Variants in MBTPS1 observed in about 807,000 individuals in gnomAD.
The protein encoded by MBTPS1 is membrane bound transcription factor peptidase, site 1, also known as membrane-bound transcription factor site-1 protease.
Under a neutral mutation model 127.8 loss-of-function variants are expected in MBTPS1, and 94 were observed. The ratio of observed to expected loss-of-function variants is 0.74; its 90% CI spans 0.62 to 0.87. MBTPS1 has a LOEUF of 0.87. Ranked by LOEUF, MBTPS1 falls within the 40% of genes least tolerant of loss-of-function variation. The probability of loss-of-function intolerance (pLI) is 0.00; values close to 1 mark genes in which losing one functional copy is unlikely to be tolerated. For synonymous variants in MBTPS1, 632 were observed against 509.4 expected (o/e 1.24, Z -3.24); for missense variants, 1,636 against 1,353.2 (o/e 1.21, Z -3.28).
chr16:84,062,694 G>C (rs1186970586), intron 19 of MBTPS1, among the ~76,000 whole-genome samples: 1 of 152,136 alleles, frequency 6.6e-6, no homozygotes, highest in African/African-American at 2.4e-5. Flanking sequence ...TACAAAATGA[G>C]AAAAATAGTC....
At chr16:84,105,235 C>G (rs549881347) in intron 1 of MBTPS1, among the ~76,000 whole-genome samples, 1 of 152,304 alleles carries the variant, frequency 6.6e-6, no homozygotes, top group African/African-American at 2.4e-5. Flanking sequence ...TTTACCTTAA[C>G]TCATTCATTA....
intron 1 of MBTPS1, among the ~76,000 whole-genome samples, chr16:84,106,161 G>A (rs986568499): frequency 2.0e-5 from 3 of 152,012 alleles, no homozygotes; most frequent in Non-Finnish European, 4.4e-5. Context: ...CGTGCGTGGC[G>A]ACAGGCGCCT....
intron 1 of MBTPS1, among the ~76,000 whole-genome samples, chr16:84,105,082 G>A: frequency 6.6e-6 from 1 of 151,418 alleles, no homozygotes; most frequent in Non-Finnish European, 1.5e-5. Flanking sequence ...TCCCGCCTGG[G>A]TGACAGCGAG....
chr16:84,096,587 T>C (rs1311713519), intron 3 of MBTPS1, among the ~76,000 whole-genome samples: 4 of 152,270 alleles, frequency 2.6e-5, no homozygotes, highest in South Asian at 2.1e-4. Flanking sequence ...ACAAGTCATA[T>C]TTCAAATCAG....
intron 12 of MBTPS1, chr16:84,072,157 A>G (rs1252914901): frequency 6.6e-6 from 1 of 152,258 alleles, no homozygotes; most frequent in East Asian, 1.9e-4. Flanking sequence ...CGCGGCACTG[A>G]CAGCACTACG....
intron 10 of MBTPS1, among the ~76,000 whole-genome samples, chr16:84,082,639 T>C (rs1348473522): frequency 6.6e-6 from 1 of 152,166 alleles, no homozygotes. Context: ...GGAATATCAG[T>C]ACACAAAAAA....
chr16:84,091,389 G>C (rs1424485192), intron 7 of MBTPS1, among the ~76,000 whole-genome samples: 1 of 151,154 alleles, frequency 6.6e-6, no homozygotes, highest in African/African-American at 2.4e-5. Flanking sequence ...GGGAGGCTGA[G>C]GCAGGAGAAC....
intron 11 of MBTPS1, among the ~76,000 whole-genome samples, chr16:84,077,770 C>CA (rs1449634581): frequency 2.6e-5 from 4 of 152,116 alleles, no homozygotes; most frequent in African/African-American, 9.7e-5. Flanking sequence ...AACTGCATGG[C>CA]AAAAACACCT....
intron 2 of MBTPS1, among the ~76,000 whole-genome samples, chr16:84,100,469 G>A (rs1251253316): frequency 3.3e-5 from 5 of 152,176 alleles, no homozygotes; most frequent in African/African-American, 1.2e-4. Flanking sequence ...GCTTGAACCT[G>A]GGAGGTGGAG....
chr16:84,069,760 G>A, intron 14 of MBTPS1, 106 bp downstream of exon 14: 1 of 1,077,404 alleles, frequency 9.3e-7, no homozygotes, highest in East Asian at 2.4e-5. Context: ...CAGAGTCCAG[G>A]CTCCACGAGA....
In MBTPS1 at chr16:84,054,099, C is replaced by G. The variant is rs1305645745; in HGVS notation, c.*350G>C. Reference sequence around the variant, plus strand: ...ATAGCCTTTAACAAGCGTCTTTTAGCTTGGTCAGGGTTGTATCATTTGTTT... The same window carrying G: ...ATAGCCTTTAACAAGCGTCTTTTAGGTTGGTCAGGGTTGTATCATTTGTTT... On this transcript the variant is annotated 3_prime_UTR_variant, in exon 23 of 23. Coordinates refer to ENST00000343411, the MANE Select transcript of MBTPS1 (RefSeq NM_003791.4). The G allele has an allele frequency of 5.3e-6, 1 of 187,756 alleles. No homozygotes were observed. Among genetic ancestry groups the G allele is most frequent in the East Asian group, 1.3e-4 (1 of 7,456 alleles). The allele number at this position is 187,756 out of a possible 1,614,324, so 11.6% of individuals were successfully genotyped here.
chr16:84,078,854 T>A (rs8048792), intron 11 of MBTPS1, among the ~76,000 whole-genome samples: 1 of 152,034 alleles, frequency 6.6e-6, no homozygotes, highest in Non-Finnish European at 1.5e-5. Context: ...GGGGGAAGGA[T>A]AAACCCAAAC....
intron 11 of MBTPS1, among the ~76,000 whole-genome samples, chr16:84,080,396 G>GA (rs747937174): frequency 3.0e-4 from 45 of 152,224 alleles, no homozygotes; most frequent in Non-Finnish European, 7.3e-5. Context: ...AGTATGTGAC[G>GA]AAACAAGGCC....
In MBTPS1 at chr16:84,066,566, T is replaced by A. The variant is rs1418941047; in HGVS notation, c.2276A>T (p.Asn759Ile). 1 of 1,613,934 alleles carries A rather than the reference T, an allele frequency of 6.2e-7. No individual in the cohort carries two copies. The highest frequency in any genetic ancestry group is 1.1e-5 in the South Asian group (1 of 91,074). The change falls in exon 17 of 23, where the codon AAT becomes ATT. Residue 759 changes from asparagine to isoleucine, a missense_variant. Asn to Ile is a moderately radical substitution (Grantham distance 149). Coordinates refer to ENST00000343411, the MANE Select transcript of MBTPS1 (RefSeq NM_003791.4). ...CATGTTCCACACAGACAGCAGCTCA[T>A]TCAGAGCTGGGATGTTAGCTCCTCC... Reference protein sequence around the residue: ...DTGGANIPALNELLSVWNMGF... With the variant: ...DTGGANIPALIELLSVWNMGF...
intron 10 of MBTPS1, among the ~76,000 whole-genome samples, chr16:84,083,091 G>C (rs1338087298): frequency 6.6e-6 from 1 of 152,206 alleles, no homozygotes; most frequent in Non-Finnish European, 1.5e-5. Flanking sequence ...AGAGCTGACG[G>C]GCTCAACAGT....
intron 1 of MBTPS1, among the ~76,000 whole-genome samples, chr16:84,111,900 CA>C (rs36019183): frequency 0.38 from 53,445 of 139,722 alleles, 9,519 homozygotes; most frequent in African/African-American, 0.46. Context: ...TGTCTATGAG[CA>C]AAAAAAAAAA....
intron 3 of MBTPS1, among the ~76,000 whole-genome samples, chr16:84,096,518 G>C (rs2086181988): frequency 6.6e-6 from 1 of 152,230 alleles, no homozygotes; most frequent in South Asian, 2.1e-4. Context: ...GAAAAAGGCA[G>C]TACCACAGAA....
chr16:84,056,186 T>A (rs1159362556), intron 21 of MBTPS1, 51 bp from the exon 22 acceptor site: 27 of 1,494,528 alleles, frequency 1.8e-5, no homozygotes, highest in Non-Finnish European at 2.5e-5. Context: ...TGTACTAGTC[T>A]AGGTACTAGT....
At chr16:84,107,015 G>A (rs747696759) in intron 1 of MBTPS1, among the ~76,000 whole-genome samples, 2 of 152,180 alleles carry the variant, frequency 1.3e-5, no homozygotes, top group Non-Finnish European at 2.9e-5. Flanking sequence ...ACACCAGCAG[G>A]AGCTGAGCTC....
Sources: allele counts gnomAD v4.1 joint callset (sites outside exome capture counted in the v4.1 genomes callset), GRCh38; gene constraint gnomAD v4.1.1; transcripts MANE v1.5; gene names NCBI Gene and HGNC (gene_info 2026-07-23, HGNC 2026-07-21).